The following ESR1 variants were observed in gnomAD, a reference collection of about 807,000 sequenced individuals.
The protein encoded by ESR1 is estrogen receptor.
In ESR1, 12 loss-of-function variants were observed where a neutral mutation model predicts 52.7. That is an observed-to-expected ratio of 0.23 (90% confidence interval 0.15 to 0.37). The LOEUF (loss-of-function observed/expected upper bound fraction) is 0.37. ESR1 is among the 10% of genes least tolerant of loss of function. ESR1 has a pLI of 1.00. For synonymous variants in ESR1, 305 were observed against 316.8 expected (o/e 0.96, Z 0.39); for missense variants, 584 against 779.7 (o/e 0.75, Z 2.99).
intron 1 of ESR1, among the ~76,000 whole-genome samples, chr6:151,678,122 AC>A (rs1778316010): frequency 6.6e-6 from 1 of 152,168 alleles, no homozygotes; most frequent in Admixed American, 6.5e-5. Flanking sequence ...GATGAATCCA[AC>A]CTAGTGCTTT....
chr6:151,681,442 T>A (rs1251262032), intron 1 of ESR1, among the ~76,000 whole-genome samples: 1 of 150,056 alleles, frequency 6.7e-6, no homozygotes, highest in Non-Finnish European at 1.5e-5. Context: ...CAGGGGGAGC[T>A]GTTGAGGGTC....
At chr6:151,956,843 A>AATATATATATATATATATATATAAATAT (rs1253747719) in intron 4 of ESR1, among the ~76,000 whole-genome samples, 2 of 44,466 alleles carry the variant, frequency 4.5e-5, no homozygotes, top group Admixed American at 2.4e-4. Context: ...AATATAAATA[A>AATATATATATATATATATATATAAATAT]ATATATATAT....
intron 2 of ESR1, among the ~76,000 whole-genome samples, chr6:151,772,005 G>A (rs931000538): frequency 2.0e-5 from 3 of 152,192 alleles, no homozygotes; most frequent in Non-Finnish European, 4.4e-5. Flanking sequence ...AAGGGTAAAT[G>A]TTTCTAATGA....
At chr6:151,862,960 A>C (rs541861238) in intron 2 of ESR1, among the ~76,000 whole-genome samples, 2 of 152,264 alleles carry the variant, frequency 1.3e-5, no homozygotes, top group Non-Finnish European at 2.9e-5. Flanking sequence ...TTAAAAAAAA[A>C]CAGCAAATGA....
At chr6:152,079,766 A>T (rs554765053) in intron 6 of ESR1, among the ~76,000 whole-genome samples, 1 of 152,360 alleles carries the variant, frequency 6.6e-6, no homozygotes, top group South Asian at 2.1e-4. Context: ...TGAATGGCTA[A>T]CTAGAATAAA....
intron 2 of ESR1, among the ~76,000 whole-genome samples, chr6:151,795,485 C>G (rs1776605655): frequency 1.0e-5 from 1 of 98,436 alleles, no homozygotes; most frequent in Non-Finnish European, 1.8e-5. Context: ...GAGACTCCAT[C>G]TCAAAAAAAA....
intron 5 of ESR1, among the ~76,000 whole-genome samples, chr6:152,015,318 T>C (rs1181633402): frequency 1.3e-5 from 2 of 152,218 alleles, no homozygotes; most frequent in African/African-American, 4.8e-5. Context: ...GCCGTCTTTT[T>C]ATAAAATCTT....
chr6:151,815,436 T>C (rs1293532823), intron 1 of ESR1, among the ~76,000 whole-genome samples: 2 of 152,160 alleles, frequency 1.3e-5, no homozygotes, highest in African/African-American at 4.8e-5. Context: ...GCAAAGTGCA[T>C]GGCACGTGAA....
intron 1 of ESR1, among the ~76,000 whole-genome samples, chr6:151,700,434 A>G (rs868573382): frequency 2.6e-5 from 4 of 152,218 alleles, no homozygotes; most frequent in African/African-American, 7.2e-5. Context: ...AATGAAATAT[A>G]CAAGTCCCCT....
At chr6:151,726,418 G>A (rs1015200353) in intron 2 of ESR1, among the ~76,000 whole-genome samples, 3 of 151,532 alleles carry the variant, frequency 2.0e-5, no homozygotes, top group Non-Finnish European at 4.4e-5. Context: ...TGCAAGCTCC[G>A]CCTGCCGGGT....
chr6:152,072,477 A>C (rs952194468), intron 6 of ESR1, among the ~76,000 whole-genome samples: 3 of 152,194 alleles, frequency 2.0e-5, no homozygotes, highest in Non-Finnish European at 4.4e-5. Flanking sequence ...TGTGATTGGC[A>C]TGTCCTTCCC....
downstream of ESR1, among the ~76,000 whole-genome samples, chr6:152,108,079 C>T (rs2051087633): frequency 6.6e-6 from 1 of 152,224 alleles, no homozygotes; most frequent in South Asian, 2.1e-4. Context: ...CTCCTCTGCA[C>T]ATGCACACAG....
At chr6:151,687,633 G>A (rs566007857), upstream of ESR1, among the ~76,000 whole-genome samples, 368 of 152,276 alleles carry the variant, frequency 2.4e-3, no homozygotes, top group African/African-American at 8.3e-3. Flanking sequence ...GAACAACCCA[G>A]ACAGATTGCA....
intron 2 of ESR1, among the ~76,000 whole-genome samples, chr6:151,849,992 A>AATTT (rs1433387040): frequency 9.7e-5 from 10 of 103,120 alleles, no homozygotes; most frequent in African/African-American, 3.8e-4. Flanking sequence ...ATATATATAT[A>AATTT]TATATATATA....
intron 1 of ESR1, chr6:151,690,677 A>T (rs1778870657): frequency 1.3e-5 from 2 of 152,082 alleles, no homozygotes; most frequent in Non-Finnish European, 2.9e-5. Context: ...AGGTACTCCT[A>T]TTTCTTCTCA....
At chr6:152,002,722 T>G (rs2042051038) in intron 4 of ESR1, among the ~76,000 whole-genome samples, 1 of 152,028 alleles carries the variant, frequency 6.6e-6, no homozygotes, top group Non-Finnish European at 1.5e-5. Context: ...CCTTTCTCAT[T>G]TAAGCTGAAA....
At position 151,825,714 on chromosome 6, in the gene ESR1, C is replaced by A. The variant is rs574353248; in HGVS notation, c.453-16883C>A. 2.0e-5 allele frequency among the ~76,000 whole-genome samples: 3 copies of A among 152,084 alleles called. No individual in the cohort carries two copies. In the East Asian group the frequency reaches 5.8e-4, roughly 29 times the overall value. Reference sequence around the variant, plus strand: ...ACCACCTGAGGTCAGGAGTTTGAGACCAGCCTGGCCAAAATGGAGAAACCT... The same window carrying A: ...ACCACCTGAGGTCAGGAGTTTGAGAACAGCCTGGCCAAAATGGAGAAACCT... On this transcript the variant is annotated intron_variant, in intron 1 of 7. Coordinates refer to ENST00000206249, the MANE Select transcript of ESR1 (RefSeq NM_000125.4).
upstream of ESR1, among the ~76,000 whole-genome samples, chr6:151,806,107 A>G (rs796434977): frequency 4.6e-5 from 7 of 152,324 alleles, no homozygotes; most frequent in African/African-American, 1.7e-4. Flanking sequence ...TCATCTGTAA[A>G]AAATTGCTTT....
intron 3 of ESR1, among the ~76,000 whole-genome samples, chr6:151,896,747 T>A (rs1296747551): frequency 7.9e-5 from 12 of 152,168 alleles, no homozygotes; most frequent in Non-Finnish European, 1.5e-5. Flanking sequence ...TGTTTTTATT[T>A]CTGTAGTTCC....
Sources: gnomAD v4.1 joint callset for allele counts (sites outside exome capture counted in the v4.1 genomes callset) on GRCh38, gnomAD v4.1.1 for gene constraint, MANE v1.5 for transcripts, NCBI Gene and HGNC (gene_info 2026-07-23, HGNC 2026-07-21) for gene names.